CNTNAP2: variants seen among roughly 807,000 people sequenced by gnomAD.
CNTNAP2 encodes the protein contactin-associated protein-like 2.
Under a neutral mutation model 155.2 loss-of-function variants are expected in CNTNAP2, and 98 were observed. The observed-to-expected ratio is 0.63, with a 90% CI of 0.54 to 0.75. The LOEUF (loss-of-function observed/expected upper bound fraction) is 0.75, where lower values mean the gene tolerates loss of function less well. Ranked by LOEUF, CNTNAP2 falls within the 30% of genes least tolerant of loss-of-function variation. The pLI, the probability that CNTNAP2 is intolerant of heterozygous loss-of-function variation, is 0.00. For synonymous variants in CNTNAP2, 651 were observed against 631.2 expected (o/e 1.03, Z -0.47); for missense variants, 1,727 against 1,688.1 (o/e 1.02, Z -0.40).
At chr7:146,918,301 A>C (rs1194955361) in intron 3 of CNTNAP2, among the ~76,000 whole-genome samples, 1 of 151,634 alleles carries the variant, frequency 6.6e-6, no homozygotes, top group Non-Finnish European at 1.5e-5. Context: ...CTCTAAGGAG[A>C]TTCTATTTTG....
intron 1 of CNTNAP2, among the ~76,000 whole-genome samples, chr7:146,485,163 ATT>A (rs35065017): frequency 1.2e-4 from 18 of 149,372 alleles, no homozygotes; most frequent in African/African-American, 2.9e-4. Context: ...GCTAATTGCT[ATT>A]TTTTTTTTGC....
intron 8 of CNTNAP2, among the ~76,000 whole-genome samples, chr7:147,212,249 T>C (rs1172287629): frequency 6.6e-6 from 1 of 152,060 alleles, no homozygotes; most frequent in Non-Finnish European, 1.5e-5. Context: ...TGGATATATA[T>C]CCAAAAGAAA....
chr7:148,359,497 T>A (rs1202488396), intron 21 of CNTNAP2, among the ~76,000 whole-genome samples: 2 of 152,254 alleles, frequency 1.3e-5, no homozygotes, highest in African/African-American at 4.8e-5. Flanking sequence ...AGTCATTCTT[T>A]GTATGTGTGC....
chr7:147,501,720 T>C (rs935356031), intron 11 of CNTNAP2, among the ~76,000 whole-genome samples: 1 of 152,242 alleles, frequency 6.6e-6, no homozygotes, highest in Admixed American at 6.5e-5. Flanking sequence ...ATGTTTGCTA[T>C]GTTAGATGTA....
intron 1 of CNTNAP2, among the ~76,000 whole-genome samples, chr7:146,498,963 A>G (rs1797259750): frequency 6.6e-6 from 1 of 152,236 alleles, no homozygotes; most frequent in Non-Finnish European, 1.5e-5. Context: ...TTTTAAAAGT[A>G]CACATAGCAT....
rs10224484 is a variant in CNTNAP2, at chr7:146,970,959, T to C, written c.403-72948T>C. 4.2e-3 allele frequency among the ~76,000 whole-genome samples: 636 copies of C among 151,814 alleles called. 7 individuals are homozygous for C. The highest frequency in any genetic ancestry group is 0.015 in the African/African-American group (602 of 41,408). On this transcript the variant is annotated intron_variant, in intron 3 of 23. Coordinates refer to ENST00000361727, the MANE Select transcript of CNTNAP2 (RefSeq NM_014141.6). ...CATCATTCTCGGTAAACTATAGCAATAACAAAAAACCAAACACTGCATATT... is the reference window on the plus strand; with the variant it reads ...CATCATTCTCGGTAAACTATAGCAACAACAAAAAACCAAACACTGCATATT...
intron 1 of CNTNAP2, among the ~76,000 whole-genome samples, chr7:146,236,152 A>G (rs986050212): frequency 2.6e-5 from 4 of 152,114 alleles, no homozygotes; most frequent in African/African-American, 9.7e-5. Flanking sequence ...ATTTTTTGTT[A>G]TTCAATGATG....
intron 3 of CNTNAP2, among the ~76,000 whole-genome samples, chr7:146,981,654 C>G: frequency 6.6e-6 from 1 of 152,014 alleles, no homozygotes; most frequent in East Asian, 1.9e-4. Flanking sequence ...TGGCTTAGAA[C>G]ACTTTAAAGT....
chr7:147,435,604 C>T (rs1797536890), intron 10 of CNTNAP2, among the ~76,000 whole-genome samples: 1 of 152,202 alleles, frequency 6.6e-6, no homozygotes, highest in Admixed American at 6.5e-5. Context: ...TATAATTTGC[C>T]TTATTCCATC....
chr7:148,078,498 TA>T (rs1415537515), intron 15 of CNTNAP2, among the ~76,000 whole-genome samples: 1 of 152,048 alleles, frequency 6.6e-6, no homozygotes, highest in African/African-American at 2.4e-5. Context: ...ATATATATAT[TA>T]GGCCGAGTTT....
chr7:147,924,934 G>A (rs112498947), intron 14 of CNTNAP2, among the ~76,000 whole-genome samples: 4,792 of 151,946 alleles, frequency 0.032, 260 homozygotes, highest in African/African-American at 0.11. Context: ...TGGCTAACAC[G>A]ATGAAATCCC....
chr7:147,522,792 A>AC (rs1232091740), intron 11 of CNTNAP2, among the ~76,000 whole-genome samples: 2 of 151,744 alleles, frequency 1.3e-5, no homozygotes, highest in Non-Finnish European at 2.9e-5. Flanking sequence ...AAAAACAAAA[A>AC]AAAAAAAACC....
At chr7:146,697,427 C>T (rs115760756) in intron 1 of CNTNAP2, among the ~76,000 whole-genome samples, 2,790 of 152,000 alleles carry the variant, frequency 0.018, 93 homozygotes, top group African/African-American at 0.064. Flanking sequence ...TTGCTAGAGA[C>T]AGGGCTTCAT....
chr7:147,346,248 G>A (rs889049205), intron 9 of CNTNAP2, among the ~76,000 whole-genome samples: 26 of 150,024 alleles, frequency 1.7e-4, no homozygotes, highest in Non-Finnish European at 3.3e-4. Flanking sequence ...TCCGCTTCCC[G>A]GGTTCACGCC....
At chr7:148,046,972 C>A (rs1377820493) in intron 15 of CNTNAP2, among the ~76,000 whole-genome samples, 1 of 152,132 alleles carries the variant, frequency 6.6e-6, no homozygotes, top group Admixed American at 6.5e-5. Context: ...AGTACCAATT[C>A]TCTACCTAGA....
At chr7:146,752,023 C>T (rs1343161013) in intron 1 of CNTNAP2, among the ~76,000 whole-genome samples, 2 of 152,050 alleles carry the variant, frequency 1.3e-5, no homozygotes, top group Non-Finnish European at 2.9e-5. Context: ...TGCAGTCTAT[C>T]GTTGATGGGC....
chr7:146,691,963 C>T (rs1399083821), intron 1 of CNTNAP2, among the ~76,000 whole-genome samples: 4 of 152,088 alleles, frequency 2.6e-5, no homozygotes, highest in African/African-American at 4.8e-5. Context: ...GGTCCTAAAA[C>T]CCATTACGAA....
chr7:147,451,981 C>T (rs1444155589), intron 10 of CNTNAP2, among the ~76,000 whole-genome samples: 2 of 152,134 alleles, frequency 1.3e-5, no homozygotes, highest in African/African-American at 4.8e-5. Flanking sequence ...CAGATGCTGG[C>T]CCCTTGATCT....
At chr7:147,407,216 C>T (rs189696698) in intron 10 of CNTNAP2, among the ~76,000 whole-genome samples, 1,570 of 152,086 alleles carry the variant, frequency 0.01, 31 homozygotes, top group African/African-American at 0.035. Flanking sequence ...CGCCTGTGAT[C>T]CCAGCACTTT....
Sources: gnomAD v4.1 joint callset for allele counts (sites outside exome capture counted in the v4.1 genomes callset) on GRCh38, gnomAD v4.1.1 for gene constraint, MANE v1.5 for transcripts, NCBI Gene and HGNC (gene_info 2026-07-23, HGNC 2026-07-21) for gene names.